XRRA1: variants seen among roughly 807,000 people sequenced by gnomAD.
XRRA1 encodes X-ray radiation resistance-associated protein 1.
In XRRA1, 69 loss-of-function variants were observed where a neutral mutation model predicts 80.2. The observed-to-expected ratio is 0.86, with a 90% CI of 0.71 to 1.05. The LOEUF (loss-of-function observed/expected upper bound fraction) is 1.05, where lower values mean the gene tolerates loss of function less well. XRRA1 is among the 50% of genes least tolerant of loss of function. The pLI, the probability that XRRA1 is intolerant of heterozygous loss-of-function variation, is 0.00. For missense variants in XRRA1, 967 were observed against 976.4 expected (o/e 0.99, Z 0.13); for synonymous variants, 348 against 389.9 (o/e 0.89, Z 1.27).
Position 74,921,203 on chromosome 11 carries a change from G to A in XRRA1, c.656+11C>T. The A allele has an allele frequency of 6.2e-7, 1 of 1,613,322 alleles. No homozygotes were observed. Among genetic ancestry groups the A allele is most frequent in the Non-Finnish European group, 8.5e-7 (1 of 1,179,438 alleles). ...AAAAACACAGAATGGACTCCAGGAG[G>A]TAGAACTTACTGTTCTGCGACGGCC... On this transcript the variant is annotated intron_variant, in intron 8 of 18. Coordinates refer to ENST00000684022, the MANE Select transcript of XRRA1 (RefSeq NM_001378157.1).
chr11:74,916,385 T>C (rs1370201801), intron 8 of XRRA1, among the ~76,000 whole-genome samples: 1 of 152,178 alleles, frequency 6.6e-6, no homozygotes, highest in African/African-American at 2.4e-5. Flanking sequence ...TTTCTCTGAC[T>C]TGATACATTT....
rs2036832819 is a variant in XRRA1, at chr11:74,843,126, C to T, written c.*74G>A. 33 of 1,471,332 alleles carry T rather than the reference C, an allele frequency of 2.2e-5. No homozygotes were observed. The highest frequency in any genetic ancestry group is 1.2e-4 in the East Asian group (5 of 40,122). The allele number at this position is 1,471,332 out of a possible 1,614,324, so 91.1% of individuals were successfully genotyped here. A position where few individuals can be genotyped will look rare whatever the true frequency, so the allele number is the denominator to read the frequency against. ...TGGCCGGCTGGTCAACCTTGAGGTG[C>T]GGTCCAGGGCACAGAGCCCTCGGGG... On this transcript the variant is annotated 3_prime_UTR_variant, in exon 19 of 19. Transcript: ENST00000684022.
At chr11:74,880,153 G>T (rs2047157330) in intron 10 of XRRA1, among the ~76,000 whole-genome samples, 1 of 152,046 alleles carries the variant, frequency 6.6e-6, no homozygotes. Context: ...TCCTGTTATT[G>T]GTCTATTCAG....
intron 3 of XRRA1, among the ~76,000 whole-genome samples, chr11:74,937,385 G>C (rs1270505124): frequency 6.6e-6 from 1 of 152,114 alleles, no homozygotes; most frequent in East Asian, 1.9e-4. Flanking sequence ...CAAAAACTAA[G>C]ATCAAGTATT....
Position 74,843,144 on chromosome 11 carries a change from C to T in XRRA1, c.*56G>A, listed in dbSNP as rs1274484298. 2.0e-6 allele frequency: 3 copies of T among 1,505,116 alleles called. No individual in the cohort carries two copies. The highest frequency in any genetic ancestry group is 2.8e-5 in the African/African-American group (2 of 72,706). 93.2% of individuals were successfully genotyped at this position (1,505,116 alleles called of 1,614,324 possible). A position where few individuals can be genotyped will look rare whatever the true frequency, so the allele number is the denominator to read the frequency against. On this transcript the variant is annotated 3_prime_UTR_variant, in exon 19 of 19. Coordinates refer to ENST00000684022, the MANE Select transcript of XRRA1 (RefSeq NM_001378157.1). Reference sequence around the variant, plus strand: ...TGAGGTGCGGTCCAGGGCACAGAGCCCTCGGGGAGAGCTGGGGCACAGGCC... The same window carrying T: ...TGAGGTGCGGTCCAGGGCACAGAGCTCTCGGGGAGAGCTGGGGCACAGGCC...
chr11:74,862,159 G>C (rs962470172), intron 11 of XRRA1, among the ~76,000 whole-genome samples: 1 of 152,218 alleles, frequency 6.6e-6, no homozygotes, highest in African/African-American at 2.4e-5. Flanking sequence ...ACCACAAAGA[G>C]AGAAGATGCC....
chr11:74,902,587 T>G (rs1390665452), intron 10 of XRRA1, among the ~76,000 whole-genome samples: 2 of 152,164 alleles, frequency 1.3e-5, no homozygotes, highest in Non-Finnish European at 2.9e-5. Flanking sequence ...ATTCGGCCAT[T>G]AAAAAGAATG....
At chr11:74,940,956 G>C (rs1400862676) in intron 2 of XRRA1, 74 bp from the exon 3 acceptor site, 10 of 1,144,802 alleles carry the variant, frequency 8.7e-6, no homozygotes, top group Non-Finnish European at 1.3e-5. Context: ...CTCCAGTGCA[G>C]CTCATGAGCC....
At chr11:74,922,782 T>C (rs905699995) in intron 7 of XRRA1, among the ~76,000 whole-genome samples, 1 of 152,210 alleles carries the variant, frequency 6.6e-6, no homozygotes, top group Non-Finnish European at 1.5e-5. Flanking sequence ...CATGTGATAT[T>C]AGGCAAATTA....
At chr11:74,903,098 C>T (rs2053881006) in intron 10 of XRRA1, among the ~76,000 whole-genome samples, 1 of 152,054 alleles carries the variant, frequency 6.6e-6, no homozygotes, top group Non-Finnish European at 1.5e-5. Flanking sequence ...TTGATAAGGA[C>T]ATAGGAAGAC....
chr11:74,922,450 A>ATGAC (rs911358525), intron 7 of XRRA1, among the ~76,000 whole-genome samples: 5 of 152,080 alleles, frequency 3.3e-5, no homozygotes, highest in Admixed American at 6.5e-5. Context: ...ATCAGGATAA[A>ATGAC]TGACATCTGT....
At chr11:74,903,212 C>T (rs1372990444) in intron 10 of XRRA1, among the ~76,000 whole-genome samples, 1 of 152,180 alleles carries the variant, frequency 6.6e-6, no homozygotes, top group Non-Finnish European at 1.5e-5. Flanking sequence ...ACTCTGTCAT[C>T]CATCAATCCC....
At chr11:74,917,819 A>G (rs1017641493) in intron 8 of XRRA1, among the ~76,000 whole-genome samples, 4 of 152,174 alleles carry the variant, frequency 2.6e-5, no homozygotes, top group African/African-American at 9.7e-5. Context: ...AAGAGACACA[A>G]TCATGGTTCC....
intron 5 of XRRA1, among the ~76,000 whole-genome samples, chr11:74,932,642 A>G (rs143766384): frequency 1.4e-3 from 207 of 152,318 alleles, no homozygotes; most frequent in Non-Finnish European, 2.1e-3. Flanking sequence ...TAGCCCTCAA[A>G]AGGTGAATTG....
rs1555108334 is a variant in XRRA1, at chr11:74,943,561, GTA to G, written c.-5+1455_-5+1456del. Among the ~76,000 whole-genome samples, 94 of 145,292 alleles carry G rather than the reference GTA, an allele frequency of 6.5e-4. 1 individual carries two copies. Among genetic ancestry groups the G allele is most frequent in the African/African-American group, 2.3e-3 (87 of 38,170 alleles). Reference sequence around the variant, plus strand: ...TGTGTGTGTGTGTGTGTGTGTGTGTGTATGTGTCAGAGAGAGAGAGAGAGAGA... The same window carrying G: ...TGTGTGTGTGTGTGTGTGTGTGTGTGTGTGTCAGAGAGAGAGAGAGAGAGA... On this transcript the variant is annotated intron_variant, in intron 2 of 18. Transcript: ENST00000684022.
At chr11:74,865,093 G>A (rs984855376) in intron 10 of XRRA1, among the ~76,000 whole-genome samples, 13 of 152,048 alleles carry the variant, frequency 8.5e-5, no homozygotes, top group African/African-American at 2.9e-4. Context: ...CCTGCTGGGA[G>A]ACACATGCCT....
intron 8 of XRRA1, among the ~76,000 whole-genome samples, chr11:74,916,608 G>A (rs1938780684): frequency 6.6e-6 from 1 of 151,674 alleles, no homozygotes; most frequent in South Asian, 2.1e-4. Flanking sequence ...AAACCTTTAA[G>A]ACAGCTGTTT....
chr11:74,938,325 A>G (rs1945518915), intron 3 of XRRA1, among the ~76,000 whole-genome samples: 1 of 152,168 alleles, frequency 6.6e-6, no homozygotes, highest in South Asian at 2.1e-4. Context: ...GGCTGCCCCC[A>G]TCTGGGGCAT....
chr11:74,845,385 T>C (rs769810257), intron 15 of XRRA1, 114 bp from the exon 16 acceptor site: 57 of 1,052,160 alleles, frequency 5.4e-5, no homozygotes, highest in Non-Finnish European at 7.8e-5. Flanking sequence ...AGGGCAAGGG[T>C]AAGACCAAGA....
Sources: allele counts gnomAD v4.1 joint callset (sites outside exome capture counted in the v4.1 genomes callset), GRCh38; gene constraint gnomAD v4.1.1; transcripts MANE v1.5; gene names NCBI Gene and HGNC (gene_info 2026-07-23, HGNC 2026-07-21).